Variants in KCNAB3 observed in about 807,000 individuals in gnomAD.
KCNAB3 encodes the protein potassium voltage-gated channel subfamily A regulatory beta subunit 3.
Under a neutral mutation model 67.7 loss-of-function variants are expected in KCNAB3, and 62 were observed. The observed-to-expected ratio is 0.92, with a 90% confidence interval of 0.75 to 1.13. The LOEUF is 1.13. Among genes scored for constraint, KCNAB3 ranks in the 50% most tolerant of loss-of-function variants. The pLI, the probability that KCNAB3 is intolerant of heterozygous loss-of-function variation, is 0.00. For synonymous variants in KCNAB3, 212 were observed against 205.4 expected (o/e 1.03, Z -0.27); for missense variants, 514 against 522.9 (o/e 0.98, Z 0.17).
chr17:7,925,529 C>CAA (rs35440319), intron 7 of KCNAB3, 154 bp downstream of exon 7: 14,932 of 415,348 alleles, frequency 0.036, 280 homozygotes, highest in East Asian at 0.056. Context: ...AACTCCGTCT[C>CAA]AAAAAAAAAA....
Position 7,927,406 on chromosome 17 carries a change from C to A in KCNAB3, c.342G>T (p.Leu114=). 1 of 1,613,960 alleles carries A rather than the reference C, an allele frequency of 6.2e-7. No individual in the cohort carries two copies. The highest frequency in any genetic ancestry group is 1.1e-5 in the South Asian group (1 of 91,078). The change falls in exon 4 of 14, where the codon CTG becomes CTT. Residue 114 remains leucine (L), a synonymous_variant. Transcript: ENST00000303790. ...TTACACCATGCTCATAGGCTACAGTCAGCACATCCTCTGCTGTCTAGGGAG... is the reference window on the plus strand; with the variant it reads ...TTACACCATGCTCATAGGCTACAGTAAGCACATCCTCTGCTGTCTAGGGAG... The part of the protein sequence containing the change: ...QISDETAEDV[L]TVAYEHGVNL...
rs1972133545 is a variant in KCNAB3, at chr17:7,923,881, C to T, written c.928-50G>A. Reference sequence around the variant, plus strand: ...AAGACCCCGCCATCACCACCACCACCACCACACTCACAAAGCAGCCCCCCG... The same window carrying T: ...AAGACCCCGCCATCACCACCACCACTACCACACTCACAAAGCAGCCCCCCG... On this transcript the variant is annotated intron_variant, in intron 11 of 13. Transcript: ENST00000303790. The T allele has an allele frequency of 4.5e-6, 7 of 1,562,302 alleles. No homozygotes were observed. In the African/African-American group the frequency reaches 5.4e-5, roughly 12 times the overall value.
At chr17:7,927,751 C>T in intron 2 of KCNAB3, 32 bp downstream of exon 2, 1 of 1,614,056 alleles carries the variant, frequency 6.2e-7, no homozygotes, top group Non-Finnish European at 8.5e-7. Flanking sequence ...TGAAAGAATG[C>T]CCTCCTTTCC....
Position 7,929,685 on chromosome 17 carries a change from C to T in KCNAB3, c.-250G>A. The T allele has an allele frequency of 2.2e-6, 3 of 1,379,838 alleles. No individual in the cohort carries two copies. The highest frequency in any genetic ancestry group is 2.8e-6 in the Non-Finnish European group (3 of 1,070,528). The allele number at this position is 1,379,838 out of a possible 1,614,324, so 85.5% of individuals were successfully genotyped here. On this transcript the variant is annotated 5_prime_UTR_variant, in exon 1 of 14. The change creates a new upstream start codon in the 5' untranslated region. Coordinates refer to ENST00000303790, the MANE Select transcript of KCNAB3 (RefSeq NM_004732.4). This position sits in a 1 kb window ranked among gnomAD's most constrained non-coding sequence, Gnocchi z 5.7. ...TGGAGATATTCAGTTACGGGGGACA[C>T]AGGAGCAAGGATTAGGAGGGGGAAA... is the stretch of plus-strand genomic sequence containing the variant.
At chr17:7,928,460 C>G (rs1262112721) in intron 1 of KCNAB3, 1 of 161,838 alleles carries the variant, frequency 6.2e-6, no homozygotes, top group African/African-American at 2.4e-5. Context: ...CTCATCCTCC[C>G]AAAGCCCCCA....
Position 7,929,142 on chromosome 17 carries a change from A to C in KCNAB3, c.242+52T>G. On this transcript the variant is annotated intron_variant, in intron 1 of 13. Coordinates refer to ENST00000303790, the MANE Select transcript of KCNAB3 (RefSeq NM_004732.4). This position sits in a 1 kb window ranked among gnomAD's most constrained non-coding sequence, Gnocchi z 5.7. ...CTTGGCGGCCATCTCAAGCAGTCTC[A>C]GGGGTCCCGAAAGGAAAGCGGAAGG... 6.2e-7 allele frequency: 1 copy of C among 1,601,724 alleles called. No homozygotes were observed. The highest frequency in any genetic ancestry group is 8.5e-7 in the Non-Finnish European group (1 of 1,175,556).
chr17:7,923,745 G>A lies in KCNAB3; in HGVS notation c.1014C>T (p.His338=). The change falls in exon 12 of 14, where the codon CAC becomes CAT. Residue 338 remains histidine (H), a synonymous_variant. Transcript: ENST00000303790. ...GCTGGGCCACGGTGCAGCCCAGCTGGTGAGCGACAGGAAGAAGGTCCATGA... is the reference window on the plus strand; with the variant it reads ...GCTGGGCCACGGTGCAGCCCAGCTGATGAGCGACAGGAAGAAGGTCCATGA... ...AKVMDLLPVA[H]QLGCTVAQLA... is the part of the protein sequence containing the mutation. 1 of 1,571,496 alleles carries A rather than the reference G, an allele frequency of 6.4e-7. No individual in the cohort carries two copies. Among genetic ancestry groups the A allele is most frequent in the Non-Finnish European group, 8.6e-7 (1 of 1,157,230 alleles).
rs1364241143 is a variant in KCNAB3 at position 7,923,151 on chromosome 17, A to C, written c.1166T>G (p.Val389Gly). The C allele has an allele frequency of 1.2e-6, 2 of 1,613,942 alleles. No homozygotes were observed. Among genetic ancestry groups the C allele is most frequent in the Non-Finnish European group, 1.7e-6 (2 of 1,179,960 alleles). The change falls in exon 14 of 14, where the codon GTG becomes GGG. Residue 389 changes from valine to glycine, a missense_variant. By Grantham distance (109) the Val-to-Gly change is moderately radical. Coordinates refer to ENST00000303790, the MANE Select transcript of KCNAB3 (RefSeq NM_004732.4). ...TCCCAGGAGCCCGTCTATTTCCATC[A>C]CTGTCTGCGGGGTCAGCTGGCTCAG... is the stretch of plus-strand genomic sequence containing the variant. ...QVLSQLTPQT[V>G]MEIDGLLGNK...
At chr17:7,926,636 G>A (rs1972241566) in intron 4 of KCNAB3, among the ~76,000 whole-genome samples, 1 of 152,202 alleles carries the variant, frequency 6.6e-6, no homozygotes. Context: ...TGTCATGGTG[G>A]ACTGTTACTG....
chr17:7,924,760 T>C lies in KCNAB3; in HGVS notation c.626-260A>G, dbSNP rs1377529468. 3 of 1,158,656 alleles carry C rather than the reference T, an allele frequency of 2.6e-6. No individual in the cohort carries two copies. In the African/African-American group the frequency reaches 4.7e-5, roughly 18 times the overall value. The allele number at this position is 1,158,656 out of a possible 1,614,324, so 71.8% of individuals were successfully genotyped here. A position where few individuals can be genotyped will look rare whatever the true frequency, so the allele number is the denominator to read the frequency against. On this transcript the variant is annotated intron_variant, in intron 8 of 13. Transcript: ENST00000303790. ...CTCAATTTTTGTATTTTAGATTTTT[T>C]GAGACAGGGTCTCACTCTGTCACTC...
chr17:7,929,696 A>G lies in KCNAB3; in HGVS notation c.-261T>C. On this transcript the variant is annotated 5_prime_UTR_variant, in exon 1 of 14. Coordinates refer to ENST00000303790, the MANE Select transcript of KCNAB3 (RefSeq NM_004732.4). This position sits in a 1 kb window ranked among gnomAD's most constrained non-coding sequence, Gnocchi z 5.7. ...AGTTACGGGGGACACAGGAGCAAGG[A>G]TTAGGAGGGGGAAATGGATGAGGGT... 7.4e-7 allele frequency: 1 copy of G among 1,346,732 alleles called. No homozygotes were observed. The highest frequency in any genetic ancestry group is 1.5e-5 in the South Asian group (1 of 65,258). 83.4% of individuals were successfully genotyped at this position (1,346,732 alleles called of 1,614,324 possible). A position where few individuals can be genotyped will look rare whatever the true frequency, so the allele number is the denominator to read the frequency against.
At chr17:7,927,595 AC>A (rs1972276837) in intron 3 of KCNAB3, 61 bp downstream of exon 3, 5 of 1,595,996 alleles carry the variant, frequency 3.1e-6, no homozygotes. Context: ...ATCCAGGTTC[AC>A]TTCCCTTTTT....
Position 7,929,817 on chromosome 17 carries a change from CCCG to C in KCNAB3, c.-385_-383del. 24 of 1,020,394 alleles carry C rather than the reference CCCG, an allele frequency of 2.4e-5. No individual in the cohort carries two copies. Among genetic ancestry groups the C allele is most frequent in the South Asian group, 2.2e-4 (6 of 26,680 alleles). The allele number at this position is 1,020,394 out of a possible 1,614,324, so 63.2% of individuals were successfully genotyped here. A position where few individuals can be genotyped will look rare whatever the true frequency, so the allele number is the denominator to read the frequency against. On this transcript the variant is annotated 5_prime_UTR_variant, in exon 1 of 14. Transcript: ENST00000303790. This position sits in a 1 kb window ranked among gnomAD's most constrained non-coding sequence, Gnocchi z 5.7. Reference sequence around the variant, plus strand: ...CACTTCAGCGCGAACCGCTGCGGGACCCGCTGGGCTCCCAGCCGCGTCGGCAGC... The same window carrying C: ...CACTTCAGCGCGAACCGCTGCGGGACCTGGGCTCCCAGCCGCGTCGGCAGC...
In KCNAB3 at chr17:7,924,046, A is replaced by C. The variant is rs757044359; in HGVS notation, c.849T>G (p.Thr283=). 6.2e-7 allele frequency: 1 copy of C among 1,614,128 alleles called. No individual in the cohort carries two copies. Among genetic ancestry groups the C allele is most frequent in the Non-Finnish European group, 8.5e-7 (1 of 1,180,010 alleles). Residue 283 remains threonine, a synonymous_variant, in exon 11 of 14, where the codon ACT becomes ACG. Coordinates refer to ENST00000303790, the MANE Select transcript of KCNAB3 (RefSeq NM_004732.4). ...TGAGACCACAGGCTAGAGGGTACCA[A>C]GTGACTGATCCAACTCCTAAGGGAA... is the stretch of plus-strand genomic sequence containing the variant. ...LYHKIGVGSV[T]WYPLACGLIT... is the part of the protein sequence containing the mutation.
At position 7,926,136 on chromosome 17, in the gene KCNAB3, C is replaced by G. The variant is rs944740453; in HGVS notation, c.405-33G>C. On this transcript the variant is annotated intron_variant, in intron 4 of 13. Transcript: ENST00000303790. The stretch of plus-strand genomic sequence containing the variant: ...AAACATAAGGCAGAGCCACTGATCC[C>G]TTCTAGGCCAATCAATTCCTTCCTC... 4 of 1,613,050 alleles carry G rather than the reference C, an allele frequency of 2.5e-6. No individual in the cohort carries two copies. The South Asian group carries it at 4.4e-5, about 18-fold the overall frequency.
At position 7,923,295 on chromosome 17, in the gene KCNAB3, G is replaced by A. The variant is rs1370118680; in HGVS notation, c.1138-116C>T. 4.7e-6 allele frequency: 6 copies of A among 1,273,554 alleles called. No homozygotes were observed. In the South Asian group the frequency reaches 4.9e-5, roughly 10 times the overall value. The allele number at this position is 1,273,554 out of a possible 1,614,324, so 78.9% of individuals were successfully genotyped here. ...GGGGTCAAGTGGCAAGGCAAGAGCC[G>A]CAGCTGTGCCGGTGCCTCGCTTTCC... On this transcript the variant is annotated intron_variant, in intron 13 of 13. Coordinates refer to ENST00000303790, the MANE Select transcript of KCNAB3 (RefSeq NM_004732.4).
rs1040016017 is a variant in KCNAB3, at chr17:7,923,092, C to G, written c.*10G>C. 1.2e-6 allele frequency: 2 copies of G among 1,613,862 alleles called. No homozygotes were observed. Among genetic ancestry groups the G allele is most frequent in the African/African-American group, 2.7e-5 (2 of 74,930 alleles). On this transcript the variant is annotated 3_prime_UTR_variant, in exon 14 of 14. Coordinates refer to ENST00000303790, the MANE Select transcript of KCNAB3 (RefSeq NM_004732.4). Reference sequence around the variant, plus strand: ...GCGACACCGGGTTGGGTCCCTGCGCCCGCGACAGACTACTTCTTGGAATGC... The same window carrying G: ...GCGACACCGGGTTGGGTCCCTGCGCGCGCGACAGACTACTTCTTGGAATGC...
chr17:7,929,137 G>A lies in KCNAB3; in HGVS notation c.242+57C>T. 6.3e-7 allele frequency: 1 copy of A among 1,599,962 alleles called. No homozygotes were observed. Among genetic ancestry groups the A allele is most frequent in the Non-Finnish European group, 8.5e-7 (1 of 1,174,774 alleles). Reference sequence around the variant, plus strand: ...GGGGTCTTGGCGGCCATCTCAAGCAGTCTCAGGGGTCCCGAAAGGAAAGCG... The same window carrying A: ...GGGGTCTTGGCGGCCATCTCAAGCAATCTCAGGGGTCCCGAAAGGAAAGCG... On this transcript the variant is annotated intron_variant, in intron 1 of 13. Transcript: ENST00000303790. The surrounding 1 kb of genome is among the most constrained non-coding windows in gnomAD (Gnocchi z 5.7).
intron 6 of KCNAB3, 23 bp downstream of exon 6, chr17:7,925,908 A>G (rs367605882): frequency 1.9e-6 from 3 of 1,610,562 alleles, no homozygotes; most frequent in Non-Finnish European, 2.5e-6. Flanking sequence ...CTTCTCCACA[A>G]TCGCAGTGGG....
Sources: allele counts gnomAD v4.1 joint callset (sites outside exome capture counted in the v4.1 genomes callset), GRCh38; gene constraint gnomAD v4.1.1; non-coding constraint Gnocchi (gnomAD v3.1); transcripts MANE v1.5; gene names NCBI Gene and HGNC (gene_info 2026-07-23, HGNC 2026-07-21).